Variants in MRPL20 observed in about 807,000 individuals in gnomAD.
MRPL20 encodes the protein mitochondrial ribosomal protein L20.
MRPL20 carries 21 observed loss-of-function variants against 20.0 expected under a neutral mutation model. The ratio of observed to expected loss-of-function variants is 1.05; its 90% CI spans 0.74 to 1.51. The LOEUF (loss-of-function observed/expected upper bound fraction) is 1.51. Among genes scored for constraint, MRPL20 ranks in the 40% most tolerant of loss-of-function variants. MRPL20 has a pLI of 0.00. For synonymous variants in MRPL20, 104 were observed against 73.0 expected, an observed-to-expected ratio of 1.43 and a Z score of -2.17; for missense variants, 252 against 185.6, an observed-to-expected ratio of 1.36 and a Z score of -2.08.
chr1:1,407,221 G>A lies in MRPL20; in HGVS notation c.-4C>T, dbSNP rs1317888535. ...GCTGCGCGGTGAGGAAGACCATGGC[G>A]CCTGCAGGCCGGCGTCCCGAACACT... On this transcript the variant is annotated 5_prime_UTR_variant, in exon 1 of 4. Coordinates refer to ENST00000344843, the MANE Select transcript of MRPL20 (RefSeq NM_017971.4). The A allele has an allele frequency of 1.9e-6, 3 of 1,593,694 alleles. No homozygotes were observed. The highest frequency in any genetic ancestry group is 2.6e-6 in the Non-Finnish European group (3 of 1,170,488).
chr1:1,404,462 C>G (rs1339103449), intron 3 of MRPL20, among the ~76,000 whole-genome samples: 4 of 151,594 alleles, frequency 2.6e-5, no homozygotes, highest in African/African-American at 9.7e-5. Context: ...CCTGTTTAAA[C>G]TTTCAAATTA....
chr1:1,405,308 C>T (rs910261810), intron 3 of MRPL20: 3 of 294,442 alleles, frequency 1.0e-5, no homozygotes, highest in Non-Finnish European at 1.9e-5. Flanking sequence ...CGGGGTCCTG[C>T]TCTCACCTAG....
chr1:1,406,046 G>A, intron 2 of MRPL20, 160 bp from the exon 3 acceptor site: 1 of 1,116,708 alleles, frequency 9.0e-7, no homozygotes. Context: ...TCAAGACCCT[G>A]TTTCAAAATT....
At chr1:1,403,815 T>G (rs1645356216) in intron 3 of MRPL20, among the ~76,000 whole-genome samples, 2 of 152,174 alleles carry the variant, frequency 1.3e-5, no homozygotes, top group African/African-American at 4.8e-5. Flanking sequence ...TTTCACCTGC[T>G]ATGTCATCAG....
Position 1,405,847 on chromosome 1 carries a change from C to G in MRPL20, c.238G>C (p.Gly80Arg). 1 of 1,614,070 alleles carries G rather than the reference C, an allele frequency of 6.2e-7. No individual in the cohort carries two copies. Among genetic ancestry groups the G allele is most frequent in the Non-Finnish European group, 8.5e-7 (1 of 1,179,938 alleles). Residue 80 changes from glycine to arginine, a missense_variant, in exon 3 of 4, where the codon GGA (glycine) becomes CGA (arginine). Physicochemically the swap from Gly to Arg is moderately radical, Grantham distance 125 (BLOSUM62 -2). Transcript: ENST00000344843. ...NRITAASQEH[G>R]LKYPALIGNL... The stretch of plus-strand genomic sequence containing the variant: ...CCAATGAGCGCTGGATACTTCAGTC[C>G]ATGTTCCTGGCTAGCAGCTGTAATT...
At position 1,402,250 on chromosome 1, in the gene MRPL20, C is replaced by T; in HGVS notation, c.283G>A (p.Val95Met). The change falls in exon 4 of 4, where the codon GTG (valine) becomes ATG (methionine). Residue 95 changes from valine (V) to methionine (M), a missense_variant. Physicochemically the swap from Val to Met is conservative, Grantham distance 21. Transcript: ENST00000344843. ...GCTAGGACTTTCCTGTTGAGCTCCACCTGGCACTGAAAAAAGAATGAATCA... is the reference window on the plus strand; with the variant it reads ...GCTAGGACTTTCCTGTTGAGCTCCATCTGGCACTGAAAAAAGAATGAATCA... The part of the protein sequence containing the change: ...ALIGNLVKCQ[V>M]ELNRKVLADL... 1.9e-6 allele frequency: 3 copies of T among 1,607,298 alleles called. No individual in the cohort carries two copies. Among genetic ancestry groups the T allele is most frequent in the Non-Finnish European group, 2.5e-6 (3 of 1,177,060 alleles).
intron 2 of MRPL20, 83 bp from the exon 3 acceptor site, chr1:1,405,969 A>G (rs1645380223): frequency 1.3e-6 from 2 of 1,526,358 alleles, no homozygotes; most frequent in South Asian, 2.6e-5. Context: ...TCTAAAGAAT[A>G]TTTTTCTAAA....
chr1:1,405,466 T>G, intron 3 of MRPL20: 1 of 594,598 alleles, frequency 1.7e-6, no homozygotes, highest in South Asian at 2.0e-5. Context: ...TTGTAGAGAG[T>G]GGTCTCACTA....
intron 3 of MRPL20, among the ~76,000 whole-genome samples, chr1:1,404,311 G>A (rs1393335903): frequency 7.9e-5 from 12 of 151,680 alleles, no homozygotes; most frequent in Admixed American, 1.3e-4. Flanking sequence ...CCGCCACCAC[G>A]CCTGGCTAAT....
At chr1:1,406,831 C>T in intron 2 of MRPL20, 78 bp downstream of exon 2, 1 of 1,276,408 alleles carries the variant, frequency 7.8e-7, no homozygotes, top group Non-Finnish European at 1.1e-6. Context: ...CGGGCGGCTG[C>T]ACACTAGCTG....
At chr1:1,406,711 G>A (rs1166489501) in intron 2 of MRPL20, 198 bp downstream of exon 2, 3 of 610,974 alleles carry the variant, frequency 4.9e-6, no homozygotes, top group East Asian at 2.8e-5. Context: ...GGGGGTGACA[G>A]TGGGGGTGGC....
rs535220059 is a variant in MRPL20 at position 1,405,459 on chromosome 1, TAG to T, written c.276+348_276+349del. 13 of 595,780 alleles carry T rather than the reference TAG, an allele frequency of 2.2e-5. No homozygotes were observed. In the East Asian group the frequency reaches 3.0e-4, roughly 14 times the overall value. 36.9% of individuals were successfully genotyped at this position (595,780 alleles called of 1,614,324 possible). The stretch of plus-strand genomic sequence containing the variant: ...ACACCCAGCAAATTTTATTTTTTTG[TAG>T]AGAGTGGTCTCACTATGTTGCCCAG... On this transcript the variant is annotated intron_variant, in intron 3 of 3. Coordinates refer to ENST00000344843, the MANE Select transcript of MRPL20 (RefSeq NM_017971.4).
chr1:1,403,108 AAC>A (rs1364784347), intron 3 of MRPL20, among the ~76,000 whole-genome samples: 13 of 145,418 alleles, frequency 8.9e-5, no homozygotes, highest in African/African-American at 2.7e-4. Flanking sequence ...CAGCCTGAGC[AAC>A]AGAGTGAGAT....
At position 1,405,797 on chromosome 1, in the gene MRPL20, A is replaced by G. The variant is rs769018178; in HGVS notation, c.276+12T>C. The G allele has an allele frequency of 1.2e-6, 2 of 1,613,940 alleles. No individual in the cohort carries two copies. Among genetic ancestry groups the G allele is most frequent in the Non-Finnish European group, 1.7e-6 (2 of 1,179,926 alleles). ...TCCAGAATTTCAGTGGGACCCACAT[A>G]CTCACCCATACCTTAACTAAATTCC... On this transcript the variant is annotated intron_variant, in intron 3 of 3. Coordinates refer to ENST00000344843, the MANE Select transcript of MRPL20 (RefSeq NM_017971.4).
intron 3 of MRPL20, chr1:1,402,581 T>A: frequency 5.6e-6 from 6 of 1,069,502 alleles, no homozygotes; most frequent in Non-Finnish European, 6.8e-6. Flanking sequence ...AGGGTAACCC[T>A]TTAAGCCAAC....
At chr1:1,402,696 C>T (rs1645343461) in intron 3 of MRPL20, 2 of 911,156 alleles carry the variant, frequency 2.2e-6, no homozygotes, top group Non-Finnish European at 2.6e-6. Flanking sequence ...TTAAATTCAG[C>T]TACCAAGGCA....
At chr1:1,405,520 A>G (rs1263945600) in intron 3 of MRPL20, 2 of 616,872 alleles carry the variant, frequency 3.2e-6, no homozygotes, top group African/African-American at 1.8e-5. Flanking sequence ...GCACAATCTC[A>G]TCACTCATCA....
In MRPL20 at chr1:1,406,568, TG is replaced by T. The variant is rs1354897331; in HGVS notation, c.198+340del. The T allele has an allele frequency of 1.1e-5, 4 of 358,814 alleles. No individual in the cohort carries two copies. The Admixed American group carries it at 1.6e-4, about 14-fold the overall frequency. 22.2% of individuals were successfully genotyped at this position (358,814 alleles called of 1,614,324 possible). A position where few individuals can be genotyped will look rare whatever the true frequency, so the allele number is the denominator to read the frequency against. On this transcript the variant is annotated intron_variant, in intron 2 of 3. Coordinates refer to ENST00000344843, the MANE Select transcript of MRPL20 (RefSeq NM_017971.4). ...TAGCCCTGGAGGGTTGGCAAGGGGC[TG>T]GGTTGACTTCAGCTGCCAAAGGGAA... is the stretch of plus-strand genomic sequence containing the variant.
Position 1,405,513 on chromosome 1 carries a change from C to A in MRPL20, c.276+296G>T, listed in dbSNP as rs1044258228. On this transcript the variant is annotated intron_variant, in intron 3 of 3. Coordinates refer to ENST00000344843, the MANE Select transcript of MRPL20 (RefSeq NM_017971.4). The stretch of plus-strand genomic sequence containing the variant: ...CTGTTGCTGGCACTATTCCTAGGCA[C>A]AATCTCATCACTCATCAACATGGGA... The A allele has an allele frequency of 2.0e-5, 12 of 611,256 alleles. No individual in the cohort carries two copies. The South Asian group carries it at 2.3e-4, about 12-fold the overall frequency. 37.9% of individuals were successfully genotyped at this position (611,256 alleles called of 1,614,324 possible).
Sources: gnomAD v4.1 joint callset for allele counts (sites outside exome capture counted in the v4.1 genomes callset) on GRCh38, gnomAD v4.1.1 for gene constraint, MANE v1.5 for transcripts, NCBI Gene and HGNC (gene_info 2026-07-23, HGNC 2026-07-21) for gene names.